NTM: variants seen among roughly 807,000 people sequenced by gnomAD.
NTM encodes IgLON family member 2.
In NTM, 13 loss-of-function variants were observed where a neutral mutation model predicts 42.1. The observed-to-expected ratio is 0.31, with a 90% confidence interval of 0.20 to 0.49. NTM has a LOEUF of 0.49. Among genes scored for constraint, NTM ranks in the 20% least tolerant of loss-of-function variants. The pLI is 0.99. For synonymous variants in NTM, 187 were observed against 179.2 expected (o/e 1.04, Z -0.35); for missense variants, 373 against 452.8 (o/e 0.82, Z 1.60).
intron 2 of NTM, among the ~76,000 whole-genome samples, chr11:132,030,799 T>C (rs1459421352): frequency 6.6e-6 from 1 of 152,184 alleles, no homozygotes; most frequent in South Asian, 2.1e-4. Flanking sequence ...AGCAGAGAGA[T>C]AGTGGGAAGC....
chr11:132,124,307 C>T lies in NTM; in HGVS notation c.168-21975C>T, dbSNP rs557467668. On this transcript the variant is annotated intron_variant, in intron 2 of 8. Coordinates refer to ENST00000683400, the MANE Select transcript of NTM (RefSeq NM_001352005.2). ...CTGCCCTCCCTGAGATCTCAGCAGC[C>T]GTGGCTGGGCTGGCTTTTGGTGGTT... is the stretch of plus-strand genomic sequence containing the variant. Among the ~76,000 whole-genome samples the T allele has an allele frequency of 2.6e-5, 4 of 152,116 alleles. No homozygotes were observed. In the East Asian group the frequency reaches 5.8e-4, roughly 22 times the overall value.
chr11:131,526,089 G>C (rs1264143106), intron 1 of NTM, among the ~76,000 whole-genome samples: 1 of 152,200 alleles, frequency 6.6e-6, no homozygotes. Context: ...CCTCACAACA[G>C]TGCCATTAGG....
intron 1 of NTM, among the ~76,000 whole-genome samples, chr11:131,567,995 A>G (rs2057063877): frequency 6.6e-6 from 1 of 152,238 alleles, no homozygotes; most frequent in East Asian, 1.9e-4. Context: ...TATTACTACT[A>G]GAGCATAGCA....
At chr11:131,751,382 G>T (rs1034871597) in intron 1 of NTM, among the ~76,000 whole-genome samples, 1 of 151,590 alleles carries the variant, frequency 6.6e-6, no homozygotes, top group Non-Finnish European at 1.5e-5. Flanking sequence ...CGAGGTCAGG[G>T]GATCGAGACC....
chr11:131,846,840 A>T (rs2044969505), intron 1 of NTM, among the ~76,000 whole-genome samples: 1 of 152,170 alleles, frequency 6.6e-6, no homozygotes, highest in African/African-American at 2.4e-5. Context: ...CCTAGGCTCA[A>T]CAACAGAAAT....
At chr11:131,956,883 C>T (rs2061614306) in intron 2 of NTM, among the ~76,000 whole-genome samples, 1 of 152,168 alleles carries the variant, frequency 6.6e-6, no homozygotes, top group South Asian at 2.1e-4. Flanking sequence ...GGAAGCAAAA[C>T]TCTCCACCAA....
chr11:132,012,848 A>G (rs1008114852), intron 2 of NTM, among the ~76,000 whole-genome samples: 2 of 152,212 alleles, frequency 1.3e-5, no homozygotes, highest in African/African-American at 4.8e-5. Flanking sequence ...GGAGCCATTC[A>G]GAATACGCAT....
intron 1 of NTM, among the ~76,000 whole-genome samples, chr11:131,581,282 T>C (rs61901567): frequency 0.018 from 2,687 of 152,270 alleles, 36 homozygotes; most frequent in Non-Finnish European, 0.028. Context: ...AATGTGTAGA[T>C]ACTGTTCTTT....
intron 2 of NTM, among the ~76,000 whole-genome samples, chr11:131,994,686 C>T (rs1415055857): frequency 6.6e-6 from 1 of 152,118 alleles, no homozygotes; most frequent in African/African-American, 2.4e-5. Flanking sequence ...ACTATTTCAT[C>T]CCACTTCAGT....
chr11:132,064,799 C>T (rs973477175), intron 2 of NTM, among the ~76,000 whole-genome samples: 2 of 152,172 alleles, frequency 1.3e-5, no homozygotes, highest in Non-Finnish European at 2.9e-5. Flanking sequence ...GTGTAAGTGA[C>T]CATGGCCTGG....
rs534204219 is a variant in NTM, at chr11:132,290,937, T to C, written c.527-16752T>C. ...GACAAAAGATAAGATGACGTTCTTC[T>C]AGAATTATGAGTTGTTTCCGTTAGA... On this transcript the variant is annotated intron_variant, in intron 4 of 8. Transcript: ENST00000683400. Among the ~76,000 whole-genome samples, 78 of 152,288 alleles carry C rather than the reference T, an allele frequency of 5.1e-4. No individual in the cohort carries two copies. The South Asian group carries it at 0.013, about 26-fold the overall frequency.
chr11:131,925,383 C>CTT (rs61493262), intron 2 of NTM, among the ~76,000 whole-genome samples: 5,630 of 111,392 alleles, frequency 0.051, 471 homozygotes, highest in African/African-American at 0.16. Context: ...TTTCTTTTCT[C>CTT]TTTTTTTTTT....
intron 3 of NTM, among the ~76,000 whole-genome samples, chr11:132,197,391 A>G (rs1360625109): frequency 6.6e-6 from 1 of 151,868 alleles, no homozygotes; most frequent in Admixed American, 6.6e-5. Context: ...TCTATTTTTG[A>G]TCTTTTAACA....
chr11:131,451,462 GAGA>G (rs922476387), intron 1 of NTM, among the ~76,000 whole-genome samples: 13 of 152,198 alleles, frequency 8.5e-5, no homozygotes, highest in African/African-American at 3.1e-4. Context: ...TCATGTCTTA[GAGA>G]AGGCTTTGTG....
At chr11:131,616,864 T>C (rs368417837) in intron 1 of NTM, among the ~76,000 whole-genome samples, 1 of 151,650 alleles carries the variant, frequency 6.6e-6, no homozygotes, top group East Asian at 1.9e-4. Context: ...CTTCCCTTCA[T>C]GCAGCCCTCC....
intron 3 of NTM, among the ~76,000 whole-genome samples, chr11:132,148,058 C>G (rs1182513889): frequency 6.6e-6 from 1 of 152,150 alleles, no homozygotes; most frequent in East Asian, 1.9e-4. Flanking sequence ...ATCCTTGATG[C>G]TGTGGCCCAA....
intron 1 of NTM, among the ~76,000 whole-genome samples, chr11:131,759,338 C>T (rs2083783032): frequency 6.6e-6 from 1 of 152,196 alleles, no homozygotes; most frequent in Non-Finnish European, 1.5e-5. Flanking sequence ...GGCTGCAAAA[C>T]CAATACCACA....
At chr11:132,169,238 C>T (rs972006085) in intron 3 of NTM, among the ~76,000 whole-genome samples, 2 of 147,260 alleles carry the variant, frequency 1.4e-5, no homozygotes, top group African/African-American at 5.0e-5. Context: ...CCATCACACA[C>T]TTTATGAAAG....
At chr11:132,246,257 C>T (rs1326899471) in intron 4 of NTM, among the ~76,000 whole-genome samples, 1 of 152,220 alleles carries the variant, frequency 6.6e-6, no homozygotes, top group Non-Finnish European at 1.5e-5. Context: ...CGGTGGCCCA[C>T]GGAGGGTGTG....
Sources: gnomAD v4.1 joint callset for allele counts (sites outside exome capture counted in the v4.1 genomes callset) on GRCh38, gnomAD v4.1.1 for gene constraint, MANE v1.5 for transcripts, NCBI Gene and HGNC (gene_info 2026-07-23, HGNC 2026-07-21) for gene names.